Variants in GGT5 observed in about 807,000 individuals in gnomAD.
GGT5 encodes glutathione hydrolase 5 proenzyme.
Under a neutral mutation model 58.1 loss-of-function variants are expected in GGT5, and 50 were observed. The observed-to-expected ratio is 0.86, with a 90% CI of 0.69 to 1.09. The LOEUF (loss-of-function observed/expected upper bound fraction) is 1.09, where lower values mean the gene tolerates loss of function less well. GGT5 is among the 50% of genes least tolerant of loss of function. The probability of loss-of-function intolerance (pLI) is 0.00; values close to 1 mark genes in which losing one functional copy is unlikely to be tolerated. For synonymous variants in GGT5, 370 were observed against 346.1 expected (o/e 1.07, Z -0.77); for missense variants, 800 against 789.4 (o/e 1.01, Z -0.16).
chr22:24,233,347 C>A (rs1198615572), intron 3 of GGT5, 151 bp downstream of exon 3: 1 of 566,740 alleles, frequency 1.8e-6, no homozygotes, highest in Non-Finnish European at 3.1e-6. Flanking sequence ...TCAATCCCTG[C>A]AGGTTGGGGC....
At chr22:24,227,599 G>A (rs2047806460) in intron 6 of GGT5, among the ~76,000 whole-genome samples, 1 of 152,098 alleles carries the variant, frequency 6.6e-6, no homozygotes, top group Admixed American at 6.6e-5. Context: ...TTATCTAGAT[G>A]TGCCCTGAAT....
At chr22:24,240,338 A>G (rs1238972688) in intron 1 of GGT5, among the ~76,000 whole-genome samples, 4 of 152,242 alleles carry the variant, frequency 2.6e-5, no homozygotes, top group Non-Finnish European at 5.9e-5. Context: ...GTTTCAACCC[A>G]AATAAATCAT....
chr22:24,238,365 A>C (rs1403423986), intron 1 of GGT5, among the ~76,000 whole-genome samples: 2 of 151,762 alleles, frequency 1.3e-5, no homozygotes, highest in Non-Finnish European at 2.9e-5. Flanking sequence ...CTCTGTCTCT[A>C]CTACAAATAC....
At chr22:24,244,383 CACACTCACAT>C (rs2048413473) in intron 1 of GGT5, 160 bp downstream of exon 1, 1 of 647,048 alleles carries the variant, frequency 1.5e-6, no homozygotes, top group South Asian at 1.8e-5. Flanking sequence ...TCCCCACACT[CACACTCACAT>C]ACACTCACAC....
chr22:24,244,298 C>T, intron 1 of GGT5: 2 of 416,236 alleles, frequency 4.8e-6, no homozygotes, highest in Non-Finnish European at 8.5e-6. Flanking sequence ...TGCACGTGCA[C>T]ACACACACAC....
chr22:24,237,553 C>T (rs746522735), intron 1 of GGT5, among the ~76,000 whole-genome samples: 16 of 152,176 alleles, frequency 1.1e-4, no homozygotes, highest in South Asian at 2.1e-4. Context: ...GGATTACAGC[C>T]ACCAGCCATC....
At chr22:24,228,163 G>A (rs1021835573) in intron 6 of GGT5, among the ~76,000 whole-genome samples, 2 of 151,490 alleles carry the variant, frequency 1.3e-5, no homozygotes, top group African/African-American at 4.9e-5. Context: ...GCTGGGTGCA[G>A]TGGCTCATGC....
rs375273797 is a variant in GGT5, at chr22:24,225,123, G to C, written c.1504-17C>G. On this transcript the variant is annotated splice_polypyrimidine_tract_variant and intron_variant, in intron 10 of 11. Transcript: ENST00000327365. ...CATGATGGCCTGGGGGAGAGATGAGGGTTTCAGGGAGAAAGGGGGCACCCT... is the reference window on the plus strand; with the variant it reads ...CATGATGGCCTGGGGGAGAGATGAGCGTTTCAGGGAGAAAGGGGGCACCCT... 2 of 1,595,508 alleles carry C rather than the reference G, an allele frequency of 1.3e-6. No individual in the cohort carries two copies. Among genetic ancestry groups the C allele is most frequent in the Non-Finnish European group, 1.7e-6 (2 of 1,168,050 alleles).
chr22:24,241,715 G>T lies in GGT5; in HGVS notation c.173+2838C>A, dbSNP rs1256677674. The T allele has an allele frequency of 2.0e-5, 3 of 151,552 alleles. No homozygotes were observed. In the South Asian group the frequency reaches 6.3e-4, roughly 32 times the overall value. The allele number at this position is 151,552 out of a possible 1,614,324, so 9.4% of individuals were successfully genotyped here. A position where few individuals can be genotyped will look rare whatever the true frequency, so the allele number is the denominator to read the frequency against. ...ATATCCAAAAAACAACATACTAGGG[G>T]TATTATATCTTATATAGCTATTATA... On this transcript the variant is annotated intron_variant, in intron 1 of 11. Transcript: ENST00000327365.
intron 11 of GGT5, among the ~76,000 whole-genome samples, chr22:24,221,347 A>G (rs9612568): frequency 0.088 from 12,783 of 144,572 alleles, 874 homozygotes; most frequent in African/African-American, 0.17. Flanking sequence ...AACTGCTCTT[A>G]AGATCAGTGC....
At chr22:24,240,414 C>T (rs1442875914) in intron 1 of GGT5, among the ~76,000 whole-genome samples, 1 of 151,354 alleles carries the variant, frequency 6.6e-6, no homozygotes, top group Non-Finnish European at 1.5e-5. Context: ...AACCCAATGC[C>T]TTTTATGTAA....
At chr22:24,222,852 C>T (rs538814014) in intron 11 of GGT5, among the ~76,000 whole-genome samples, 18 of 152,052 alleles carry the variant, frequency 1.2e-4, no homozygotes, top group East Asian at 9.7e-4. Context: ...CCAAGGCGGG[C>T]GGATCACAAG....
At chr22:24,226,369 G>A in intron 7 of GGT5, 103 bp from the exon 8 acceptor site, 1 of 915,698 alleles carries the variant, frequency 1.1e-6, no homozygotes, top group Non-Finnish European at 1.6e-6. Flanking sequence ...CCTCCAGTCT[G>A]TCCTCTACCT....
intron 6 of GGT5, among the ~76,000 whole-genome samples, chr22:24,230,872 C>T (rs1269677549): frequency 1.3e-5 from 2 of 152,216 alleles, no homozygotes; most frequent in Admixed American, 1.3e-4. Flanking sequence ...AGATATCGGG[C>T]TTCTGGCTTC....
intron 6 of GGT5, among the ~76,000 whole-genome samples, chr22:24,230,591 G>GA (rs1323792876): frequency 1.3e-5 from 2 of 151,772 alleles, no homozygotes; most frequent in South Asian, 4.2e-4. Flanking sequence ...ATAATGCAAT[G>GA]AAAAAAATAA....
chr22:24,220,539 G>A (rs947562482), intron 11 of GGT5: 10 of 457,634 alleles, frequency 2.2e-5, no homozygotes, highest in African/African-American at 1.6e-4. Flanking sequence ...ATCACTTGAG[G>A]CCAGGAGTTT....
chr22:24,231,912 A>C, intron 5 of GGT5, 139 bp downstream of exon 5: 1 of 701,602 alleles, frequency 1.4e-6, no homozygotes, highest in South Asian at 1.8e-5. Flanking sequence ...CGGCAGAGCT[A>C]GGTGCATGGC....
chr22:24,235,928 C>T (rs948121628), intron 1 of GGT5, among the ~76,000 whole-genome samples: 5 of 152,188 alleles, frequency 3.3e-5, no homozygotes, highest in Admixed American at 3.3e-4. Context: ...CTTTGGTTTT[C>T]GTCCCACCTC....
intron 1 of GGT5, among the ~76,000 whole-genome samples, chr22:24,234,506 G>T (rs944715460): frequency 6.6e-6 from 1 of 152,134 alleles, no homozygotes; most frequent in African/African-American, 2.4e-5. Context: ...ACTTCTCTTG[G>T]GACTCTGAGC....
Sources: allele counts gnomAD v4.1 joint callset (sites outside exome capture counted in the v4.1 genomes callset), GRCh38; gene constraint gnomAD v4.1.1; transcripts MANE v1.5; gene names NCBI Gene and HGNC (gene_info 2026-07-23, HGNC 2026-07-21).